OR9Q1: variants seen among roughly 807,000 people sequenced by gnomAD.
OR9Q1 encodes olfactory receptor family 9 subfamily Q member 1.
For synonymous variants in OR9Q1, 153 were observed against 148.6 expected (o/e 1.03, Z -0.22); for missense variants, 374 against 378.8 (o/e 0.99, Z 0.11).
intron 1 of OR9Q1, among the ~76,000 whole-genome samples, chr11:58,034,188 CCATTCTCCTGCTT>C (rs939138335): frequency 2.7e-5 from 4 of 149,890 alleles, no homozygotes; most frequent in African/African-American, 9.9e-5. Context: ...CAGGTTCATG[CCATTCTCCTGCTT>C]CAGTCTCCCG....
At chr11:58,139,349 G>T (rs1191417443) in intron 2 of OR9Q1, among the ~76,000 whole-genome samples, 5 of 151,352 alleles carry the variant, frequency 3.3e-5, no homozygotes, top group African/African-American at 4.9e-5. Flanking sequence ...TTGTTACATA[G>T]GTATACATGT....
intron 2 of OR9Q1, among the ~76,000 whole-genome samples, chr11:58,138,878 G>A (rs1854214384): frequency 6.6e-6 from 1 of 152,082 alleles, no homozygotes; most frequent in Non-Finnish European, 1.5e-5. Context: ...TTCCTCCTAA[G>A]TGAAAGTTTG....
At chr11:58,128,055 G>A (rs1854105958) in intron 2 of OR9Q1, among the ~76,000 whole-genome samples, 1 of 151,988 alleles carries the variant, frequency 6.6e-6, no homozygotes, top group Non-Finnish European at 1.5e-5. Flanking sequence ...GGTTTTGTAT[G>A]TTTGTATAGG....
chr11:58,128,970 G>A (rs897448651), intron 2 of OR9Q1, among the ~76,000 whole-genome samples: 7 of 152,032 alleles, frequency 4.6e-5, no homozygotes, highest in Admixed American at 2.0e-4. Context: ...AAATTCACTC[G>A]TTTCTTTTCA....
At chr11:58,151,495 C>T (rs962937964) in intron 2 of OR9Q1, among the ~76,000 whole-genome samples, 3 of 152,128 alleles carry the variant, frequency 2.0e-5, no homozygotes, top group African/African-American at 4.8e-5. Context: ...CTGCAGAAGA[C>T]GGAATGACAG....
chr11:58,040,422 T>A (rs927039186), intron 1 of OR9Q1, among the ~76,000 whole-genome samples: 5 of 152,206 alleles, frequency 3.3e-5, no homozygotes, highest in African/African-American at 1.2e-4. Context: ...CAGGTCTGGC[T>A]GGCTCCACTC....
intron 2 of OR9Q1, among the ~76,000 whole-genome samples, chr11:58,067,106 A>G (rs1211809330): frequency 1.3e-5 from 2 of 150,708 alleles, no homozygotes; most frequent in Non-Finnish European, 1.5e-5. Flanking sequence ...ATCCAAGCTC[A>G]CTGCAAGTTC....
At chr11:58,119,060 G>T in intron 2 of OR9Q1, 1 of 1,614,016 alleles carries the variant, frequency 6.2e-7, no homozygotes, top group Non-Finnish European at 8.5e-7. Context: ...TAGAGCAGTG[G>T]GTTGCGAATG....
chr11:58,035,319 C>T (rs1188707155), intron 1 of OR9Q1, among the ~76,000 whole-genome samples: 2 of 152,058 alleles, frequency 1.3e-5, no homozygotes, highest in African/African-American at 4.8e-5. Flanking sequence ...CAAACTAAGT[C>T]CCCAGAATAA....
chr11:58,106,219 T>TCAC (rs1853838997), intron 2 of OR9Q1, among the ~76,000 whole-genome samples: 1 of 151,954 alleles, frequency 6.6e-6, no homozygotes, highest in African/African-American at 2.4e-5. Flanking sequence ...TCATTGTAGT[T>TCAC]TTGATTTGCA....
intron 2 of OR9Q1, among the ~76,000 whole-genome samples, chr11:58,084,252 C>T (rs539171997): frequency 6.6e-6 from 1 of 151,746 alleles, no homozygotes; most frequent in Non-Finnish European, 1.5e-5. Context: ...TAATTTGACT[C>T]CTAGCCTGGA....
At chr11:58,037,689 ATTT>A (rs554392577) in intron 1 of OR9Q1, among the ~76,000 whole-genome samples, 6 of 7,000 alleles carry the variant, frequency 8.6e-4, no homozygotes, top group Admixed American at 3.1e-3. Flanking sequence ...ATATATATAT[ATTT>A]TTTTTTTTTT....
chr11:58,115,948 G>T lies in OR9Q1; in HGVS notation c.-15+60001G>T, dbSNP rs78322056. On this transcript the variant is annotated intron_variant, in intron 2 of 2. Coordinates refer to ENST00000335397, the MANE Select transcript of OR9Q1 (RefSeq NM_001005212.4). ...TGGCTGTGGTTATAACCATTTACTT[G>T]TGTGATTTAAAGCTTTGTCATATGT... Among the ~76,000 whole-genome samples the T allele has an allele frequency of 5.6e-3, 851 of 152,172 alleles. 25 individuals are homozygous for T. The highest frequency in any genetic ancestry group is 0.048 in the Admixed American group (737 of 15,266).
At chr11:58,162,769 C>T (rs1322207143) in intron 2 of OR9Q1, among the ~76,000 whole-genome samples, 1 of 152,222 alleles carries the variant, frequency 6.6e-6, no homozygotes, top group South Asian at 2.1e-4. Flanking sequence ...GGTGAGTGAC[C>T]TTGGGTAACC....
intron 2 of OR9Q1, among the ~76,000 whole-genome samples, chr11:58,141,576 A>G (rs1854249466): frequency 6.6e-6 from 1 of 152,144 alleles, no homozygotes; most frequent in African/African-American, 2.4e-5. Context: ...GGCCCACTTG[A>G]TCATGGTGGA....
intron 2 of OR9Q1, among the ~76,000 whole-genome samples, chr11:58,112,729 G>T (rs545068608): frequency 2.3e-4 from 35 of 152,208 alleles, no homozygotes; most frequent in Middle Eastern, 6.8e-3. Flanking sequence ...AACATTCCTG[G>T]AAACCCCAAG....
chr11:58,126,184 T>C (rs1189860387), intron 2 of OR9Q1, among the ~76,000 whole-genome samples: 1 of 152,210 alleles, frequency 6.6e-6, no homozygotes, highest in Non-Finnish European at 1.5e-5. Flanking sequence ...CCAGCTCTTG[T>C]CTCTTCCCTC....
At chr11:58,155,118 A>C (rs1854393899) in intron 2 of OR9Q1, among the ~76,000 whole-genome samples, 1 of 152,220 alleles carries the variant, frequency 6.6e-6, no homozygotes, top group Admixed American at 6.5e-5. Flanking sequence ...TGAAATTTGC[A>C]GAGCAGGTGG....
In OR9Q1 at chr11:58,159,780, G is replaced by A. The variant is rs959408286; in HGVS notation, c.-14-19651G>A. On this transcript the variant is annotated intron_variant, in intron 2 of 2. Transcript: ENST00000335397. ...AGGTTCAAAATATTTTCTGGAGATA[G>A]ATTTGAAAGGATTTACAGATGCATA... Among the ~76,000 whole-genome samples the A allele has an allele frequency of 5.3e-5, 8 of 152,350 alleles. No individual in the cohort carries two copies. The East Asian group carries it at 1.5e-3, about 29-fold the overall frequency.
Sources: allele counts gnomAD v4.1 joint callset (sites outside exome capture counted in the v4.1 genomes callset), GRCh38; gene constraint gnomAD v4.1.1; transcripts MANE v1.5; gene names NCBI Gene and HGNC (gene_info 2026-07-23, HGNC 2026-07-21).